Variants in THOP1 observed in about 807,000 individuals in gnomAD.
The protein encoded by THOP1 is thimet oligopeptidase 1.
THOP1 carries 49 observed loss-of-function variants against 71.8 expected under a neutral mutation model. The observed-to-expected ratio is 0.68, with a 90% CI of 0.54 to 0.87. The LOEUF is 0.87. Among genes scored for constraint, THOP1 ranks in the 40% least tolerant of loss-of-function variants. The probability of loss-of-function intolerance (pLI) is 0.00; values close to 1 mark genes in which losing one functional copy is unlikely to be tolerated. For missense variants in THOP1, 843 were observed against 975.6 expected, an observed-to-expected ratio of 0.86 and a Z score of 1.81; for synonymous variants, 426 against 421.5, an observed-to-expected ratio of 1.01 and a Z score of -0.13.
At chr19:2,793,291 T>C (rs4807332) in intron 2 of THOP1, among the ~76,000 whole-genome samples, 67,971 of 151,944 alleles carry the variant, frequency 0.45, 17,677 homozygotes, top group African/African-American at 0.72. Flanking sequence ...CAGAGAGAAA[T>C]TTTATACCCT....
chr19:2,786,383 C>T (rs1330636804), intron 1 of THOP1, among the ~76,000 whole-genome samples: 1 of 152,156 alleles, frequency 6.6e-6, no homozygotes, highest in Non-Finnish European at 1.5e-5. Flanking sequence ...GTAACTGGGA[C>T]TACAGGCCTG....
At chr19:2,813,010 G>A (rs1916519953) in intron 12 of THOP1, 105 bp from the exon 13 acceptor site, 1 of 1,381,918 alleles carries the variant, frequency 7.2e-7, no homozygotes, top group Non-Finnish European at 9.7e-7. Flanking sequence ...GAACCTGGAA[G>A]GGGTTGCTCC....
intron 2 of THOP1, among the ~76,000 whole-genome samples, chr19:2,793,115 C>T (rs1482822805): frequency 6.6e-6 from 1 of 151,714 alleles, no homozygotes; most frequent in Non-Finnish European, 1.5e-5. Flanking sequence ...GCGGAGGTGG[C>T]GGTGAGCCGA....
At chr19:2,809,280 GCA>G (rs199547197) in intron 9 of THOP1, among the ~76,000 whole-genome samples, 6,585 of 152,270 alleles carry the variant, frequency 0.043, 440 homozygotes, top group African/African-American at 0.15. Flanking sequence ...AGCACAGCTT[GCA>G]CACACAGGGT....
Position 2,794,003 on chromosome 19 carries a change from CT to C in THOP1, c.230-749del, listed in dbSNP as rs869280337. On this transcript the variant is annotated intron_variant, in intron 2 of 12. Coordinates refer to ENST00000307741, the MANE Select transcript of THOP1 (RefSeq NM_003249.5). ...GTCATGGGATGACTCCATTTTAAAG[CT>C]TTTTTTTTTTTCTTTTTTTTTCTTT... Among the ~76,000 whole-genome samples, 506 of 143,096 alleles carry C rather than the reference CT, an allele frequency of 3.5e-3. 3 individuals carry two copies. Among genetic ancestry groups the C allele is most frequent in the East Asian group, 7.9e-3 (39 of 4,930 alleles). 93.9% of individuals were successfully genotyped at this position (143,096 alleles called of 152,430 possible). A position where few individuals can be genotyped will look rare whatever the true frequency, so the allele number is the denominator to read the frequency against.
intron 5 of THOP1, 39 bp downstream of exon 5, chr19:2,799,830 C>G (rs1346278199): frequency 1.3e-6 from 2 of 1,574,948 alleles, no homozygotes; most frequent in Admixed American, 1.7e-5. Context: ...GCCATCGGTC[C>G]TGGGACTCAG....
At chr19:2,795,969 G>GT in intron 3 of THOP1, 112 bp from the exon 4 acceptor site, 1 of 738,358 alleles carries the variant, frequency 1.4e-6, no homozygotes, top group Non-Finnish European at 2.3e-6. Context: ...CAGGAGTGCA[G>GT]TTGCCAAGTC....
At position 2,804,853 on chromosome 19, in the gene THOP1, G is replaced by A. The variant is rs1015455190; in HGVS notation, c.590-163G>A. 6.6e-6 allele frequency among the ~76,000 whole-genome samples: 1 copy of A among 152,132 alleles called. No homozygotes were observed. The highest frequency in any genetic ancestry group is 2.4e-5 in the African/African-American group (1 of 41,420). On this transcript the variant is annotated intron_variant, in intron 5 of 12. Transcript: ENST00000307741. The surrounding 1 kb of genome is among the most constrained non-coding windows in gnomAD (Gnocchi z 4.7). Reference sequence around the variant, plus strand: ...GTATTTCTTGATGGGGTTAGATGGGGGATGTAAGAATTGCAGCGGGTGGTG... The same window carrying A: ...GTATTTCTTGATGGGGTTAGATGGGAGATGTAAGAATTGCAGCGGGTGGTG...
In THOP1 at chr19:2,801,788, C is replaced by T. The variant is rs995597694; in HGVS notation, c.589+1997C>T. ...CACATGGCAAGGGGAGGGGGCTAAG[C>T]GAGCCGGTTCCACCCAGGTCTCTCC... On this transcript the variant is annotated intron_variant, in intron 5 of 12. Transcript: ENST00000307741. The surrounding 1 kb of genome is among the most constrained non-coding windows in gnomAD (Gnocchi z 5.1). 2.0e-5 allele frequency among the ~76,000 whole-genome samples: 3 copies of T among 152,006 alleles called. No individual in the cohort carries two copies. The highest frequency in any genetic ancestry group is 2.9e-5 in the Non-Finnish European group (2 of 67,966).
In THOP1 at chr19:2,810,494, C is replaced by A; in HGVS notation, c.1642+4C>A. The A allele has an allele frequency of 6.5e-7, 1 of 1,547,200 alleles. No homozygotes were observed. Among genetic ancestry groups the A allele is most frequent in the Non-Finnish European group, 8.7e-7 (1 of 1,145,516 alleles). On this transcript the variant is annotated splice_donor_region_variant and intron_variant, in intron 10 of 12. Coordinates refer to ENST00000307741, the MANE Select transcript of THOP1 (RefSeq NM_003249.5). The stretch of plus-strand genomic sequence containing the variant: ...GAGTCCCGGCAGGCCAACACAGGTG[C>A]ACCCGCCCCGTCCGGGGAAGGGTGC...
intron 1 of THOP1, among the ~76,000 whole-genome samples, chr19:2,790,155 C>G (rs1915841764): frequency 6.6e-6 from 1 of 152,166 alleles, no homozygotes; most frequent in African/African-American, 2.4e-5. Context: ...GATCCCTGGC[C>G]TCCACCCACT....
rs1915725421 is a variant in THOP1 at position 2,785,728 on chromosome 19, C to T, written c.16+50C>T. The T allele has an allele frequency of 7.4e-6, 10 of 1,349,246 alleles. No individual in the cohort carries two copies. In the Admixed American group the frequency reaches 3.2e-4, roughly 43 times the overall value. 83.6% of individuals were successfully genotyped at this position (1,349,246 alleles called of 1,614,324 possible). A position where few individuals can be genotyped will look rare whatever the true frequency, so the allele number is the denominator to read the frequency against. On this transcript the variant is annotated intron_variant, in intron 1 of 12. Coordinates refer to ENST00000307741, the MANE Select transcript of THOP1 (RefSeq NM_003249.5). ...CCCGGGCGTCCCCTGCACCCTCGCT[C>T]CTCCCGGGGTCGCGACTTGGGCCTA...
rs1341146006 is a variant in THOP1, at chr19:2,805,653, C to T, written c.750+477C>T. Among the ~76,000 whole-genome samples the T allele has an allele frequency of 2.6e-5, 4 of 152,186 alleles. No individual in the cohort carries two copies. Among genetic ancestry groups the T allele is most frequent in the East Asian group, 1.9e-4 (1 of 5,176 alleles). ...ACTGTCCACGGCGCCATGGTGTGGT[C>T]GGTCAGGTGGTCTCTGCACGTCTCC... On this transcript the variant is annotated intron_variant, in intron 6 of 12. Coordinates refer to ENST00000307741, the MANE Select transcript of THOP1 (RefSeq NM_003249.5). This position sits in a 1 kb window ranked among gnomAD's most constrained non-coding sequence, Gnocchi z 6.6.
intron 1 of THOP1, among the ~76,000 whole-genome samples, chr19:2,787,478 G>T (rs1269686430): frequency 6.6e-6 from 1 of 152,208 alleles, no homozygotes. Context: ...TTTTCTGACA[G>T]TTCCAGTTCC....
chr19:2,790,488 G>A lies in THOP1; in HGVS notation c.84G>A (p.Leu28=). The part of the protein sequence containing the change: ...CSVVNDLRWD[L]SAQQIEERTR... ...TGGTAAACGACCTGCGGTGGGACCT[G>A]AGTGCCCAGCAGATAGAGGAGCGCA... Residue 28 remains leucine (L), a synonymous_variant, in exon 2 of 13, where the codon CTG becomes CTA. Transcript: ENST00000307741. The A allele has an allele frequency of 6.2e-7, 1 of 1,606,396 alleles. No individual in the cohort carries two copies. The highest frequency in any genetic ancestry group is 1.1e-5 in the South Asian group (1 of 90,178).
In THOP1 at chr19:2,813,335, C is replaced by T; in HGVS notation, c.*59C>T. 6 of 1,512,168 alleles carry T rather than the reference C, an allele frequency of 4.0e-6. No homozygotes were observed. The highest frequency in any genetic ancestry group is 5.3e-6 in the Non-Finnish European group (6 of 1,128,900). The allele number at this position is 1,512,168 out of a possible 1,614,324, so 93.7% of individuals were successfully genotyped here. On this transcript the variant is annotated 3_prime_UTR_variant, in exon 13 of 13. Transcript: ENST00000307741. ...GCTCCCGCCGCCCTGGTGCCTTAGC[C>T]CCCGGCACAGGATGGGGCAGGCTCT... is the stretch of plus-strand genomic sequence containing the variant.
chr19:2,794,849 C>T lies in THOP1; in HGVS notation c.315C>T (p.Leu105=). Residue 105 remains leucine (L), a synonymous_variant, in exon 3 of 13, where the codon CTC becomes CTT. Transcript: ENST00000307741. ...CCAGCACAGAGGCCGACAAGAAGCTCTCTGAGTTCGACGTGGAGATGAGCA... is the reference window on the plus strand; with the variant it reads ...CCAGCACAGAGGCCGACAAGAAGCTTTCTGAGTTCGACGTGGAGATGAGCA... The part of the protein sequence containing the change: ...RTASTEADKK[L]SEFDVEMSMR... 1.2e-6 allele frequency: 2 copies of T among 1,614,070 alleles called. No individual in the cohort carries two copies. Among genetic ancestry groups the T allele is most frequent in the Admixed American group, 3.3e-5 (2 of 60,036 alleles).
chr19:2,810,208 C>A, intron 9 of THOP1, 96 bp from the exon 10 acceptor site: 1 of 1,442,428 alleles, frequency 6.9e-7, no homozygotes, highest in Non-Finnish European at 9.3e-7. Flanking sequence ...CCTGTGCACT[C>A]GCCCTGTTTG....
chr19:2,812,979 G>A lies in THOP1; in HGVS notation c.1909-136G>A, dbSNP rs902285906. ...CGCTCTCCCACCTGTGCTGATGCAG[G>A]CGGCCCCCGGGCCTCCCTGGGAACC... On this transcript the variant is annotated intron_variant, in intron 12 of 12. Coordinates refer to ENST00000307741, the MANE Select transcript of THOP1 (RefSeq NM_003249.5). 2.2e-5 allele frequency: 22 copies of A among 995,312 alleles called. No individual in the cohort carries two copies. The African/African-American group carries it at 3.4e-4, about 16-fold the overall frequency. 61.7% of individuals were successfully genotyped at this position (995,312 alleles called of 1,614,324 possible).
Sources: allele counts gnomAD v4.1 joint callset (sites outside exome capture counted in the v4.1 genomes callset), GRCh38; gene constraint gnomAD v4.1.1; non-coding constraint Gnocchi (gnomAD v3.1); transcripts MANE v1.5; gene names NCBI Gene and HGNC (gene_info 2026-07-23, HGNC 2026-07-21).